Variants in CPEB2 observed in about 807,000 individuals in gnomAD.
CPEB2 encodes cytoplasmic polyadenylation element binding protein 2, also known as cytoplasmic polyadenylation element-binding protein 2.
In CPEB2, 56 loss-of-function variants were observed where a neutral mutation model predicts 93.6. The ratio of observed to expected loss-of-function variants is 0.60; its 90% CI spans 0.48 to 0.75. CPEB2 has a LOEUF of 0.75. CPEB2 is among the 30% of genes least tolerant of loss of function. CPEB2 has a pLI of 0.00. For synonymous variants in CPEB2, 764 were observed against 586.3 expected (o/e 1.30, Z -4.38); for missense variants, 1,579 against 1,395.1 (o/e 1.13, Z -2.10).
intron 3 of CPEB2, among the ~76,000 whole-genome samples, chr4:15,015,536 C>T (rs771214172): frequency 2.6e-5 from 4 of 152,050 alleles, no homozygotes; most frequent in Non-Finnish European, 4.4e-5. Flanking sequence ...AAAAAGGCTA[C>T]AACCCTAATT....
chr4:15,054,223 G>T lies in CPEB2; in HGVS notation c.2461+6G>T. On this transcript the variant is annotated splice_donor_region_variant and intron_variant, in intron 8 of 11. Coordinates refer to ENST00000538197, the MANE Select transcript of CPEB2 (RefSeq NM_001177382.2). ...GTCCTATTTTCCACCAAAAGGTAAG[G>T]ATTGTTATTGTTAATATTTGCTAGG... 1 of 1,594,592 alleles carries T rather than the reference G, an allele frequency of 6.3e-7. No homozygotes were observed. The highest frequency in any genetic ancestry group is 1.1e-5 in the South Asian group (1 of 88,876).
chr4:15,003,906 G>A lies in CPEB2; in HGVS notation c.1233G>A (p.Gln411=). 1 of 955,814 alleles carries A rather than the reference G, an allele frequency of 1.0e-6. No homozygotes were observed. Among genetic ancestry groups the A allele is most frequent in the Non-Finnish European group, 1.4e-6 (1 of 736,698 alleles). The allele number at this position is 955,814 out of a possible 1,614,324, so 59.2% of individuals were successfully genotyped here. ...QPQQQPPPPQ[Q]PPQPQPQPPG... ...AGCAGCAGCCGCCGCCACCCCAGCA[G>A]CCGCCCCAGCCGCAGCCGCAGCCGC... is the stretch of plus-strand genomic sequence containing the variant. Residue 411 remains glutamine, a synonymous_variant, in exon 1 of 12, where the codon CAG becomes CAA. Coordinates refer to ENST00000538197, the MANE Select transcript of CPEB2 (RefSeq NM_001177382.2).
At chr4:15,009,765 C>T (rs867505206) in intron 3 of CPEB2, among the ~76,000 whole-genome samples, 2 of 152,138 alleles carry the variant, frequency 1.3e-5, no homozygotes, top group African/African-American at 2.4e-5. Flanking sequence ...AGCTGGCATA[C>T]ATGGTCCATG....
intron 6 of CPEB2, among the ~76,000 whole-genome samples, chr4:15,046,353 G>C (rs1318043641): frequency 2.6e-5 from 4 of 152,152 alleles, no homozygotes; most frequent in African/African-American, 4.8e-5. Context: ...AGCCTTCTGA[G>C]TAGTTGGGAT....
At chr4:15,046,282 A>G (rs1055732893) in intron 6 of CPEB2, among the ~76,000 whole-genome samples, 4 of 152,122 alleles carry the variant, frequency 2.6e-5, no homozygotes, top group Admixed American at 1.3e-4. Context: ...CTGGAGTGCA[A>G]TGGCCCGATC....
Position 15,066,293 on chromosome 4 carries a change from C to T in CPEB2, c.3018C>T (p.Ile1006=), listed in dbSNP as rs1264894523. Residue 1006 remains isoleucine (I), a synonymous_variant, in exon 12 of 12, where the codon ATC becomes ATT. Coordinates refer to ENST00000538197, the MANE Select transcript of CPEB2 (RefSeq NM_001177382.2). ...ACTGTGAGTTTTGTTGGGCAAATATCCACTCTCGTGCTGGACGTGAGTTCC... is the reference window on the plus strand; with the variant it reads ...ACTGTGAGTTTTGTTGGGCAAATATTCACTCTCGTGCTGGACGTGAGTTCC... The part of the protein sequence containing the change: ...QYYCEFCWAN[I]HSRAGREFHK... 4 of 1,613,372 alleles carry T rather than the reference C, an allele frequency of 2.5e-6. No individual in the cohort carries two copies. Among genetic ancestry groups the T allele is most frequent in the Non-Finnish European group, 3.4e-6 (4 of 1,179,694 alleles).
At chr4:15,019,322 T>C (rs1724560718) in intron 4 of CPEB2, among the ~76,000 whole-genome samples, 1 of 151,906 alleles carries the variant, frequency 6.6e-6, no homozygotes, top group Non-Finnish European at 1.5e-5. Flanking sequence ...CTTTTTTTTT[T>C]CCTTTCTTTT....
intron 1 of CPEB2, chr4:15,006,337 A>C (rs1722811181): frequency 6.6e-6 from 1 of 152,100 alleles, no homozygotes; most frequent in African/African-American, 2.4e-5. Flanking sequence ...TGTATGGTTC[A>C]TACTTCTTTA....
chr4:15,012,006 G>C (rs1723556151), intron 3 of CPEB2, among the ~76,000 whole-genome samples: 1 of 152,130 alleles, frequency 6.6e-6, no homozygotes, highest in South Asian at 2.1e-4. Context: ...ATAATTTGGA[G>C]ATCTGTCTCA....
At chr4:15,011,898 T>C (rs1434499171) in intron 3 of CPEB2, among the ~76,000 whole-genome samples, 2 of 152,202 alleles carry the variant, frequency 1.3e-5, no homozygotes, top group Non-Finnish European at 2.9e-5. Flanking sequence ...CAAGCTCTAC[T>C]TGCAGTGCTT....
chr4:15,029,256 G>A (rs1001674895), intron 4 of CPEB2, among the ~76,000 whole-genome samples: 4 of 151,842 alleles, frequency 2.6e-5, no homozygotes, highest in Admixed American at 6.6e-5. Context: ...TTTTTGATCA[G>A]GAATTATATT....
chr4:15,003,538 G>T lies in CPEB2; in HGVS notation c.865G>T (p.Gly289Cys). ...CAGCCCTCGCAAGACCCCAGCCGCGGGCGAGGGCAGCGCCGCCGAGTCCCC... is the reference window on the plus strand; with the variant it reads ...CAGCCCTCGCAAGACCCCAGCCGCGTGCGAGGGCAGCGCCGCCGAGTCCCC... ...AGSPRKTPAA[G>C]EGSAAESPNA... Residue 289 changes from glycine (G) to cysteine (C), a missense_variant, in exon 1 of 12, where the codon GGC becomes TGC. Coordinates refer to ENST00000538197, the MANE Select transcript of CPEB2 (RefSeq NM_001177382.2). The T allele has an allele frequency of 1.4e-6, 2 of 1,450,444 alleles. No individual in the cohort carries two copies. The highest frequency in any genetic ancestry group is 1.8e-6 in the Non-Finnish European group (2 of 1,103,660). The allele number at this position is 1,450,444 out of a possible 1,614,324, so 89.8% of individuals were successfully genotyped here. A position where few individuals can be genotyped will look rare whatever the true frequency, so the allele number is the denominator to read the frequency against.
Position 15,068,535 on chromosome 4 carries a change from C to T in CPEB2, c.*2155C>T, listed in dbSNP as rs1729870253. Reference sequence around the variant, plus strand: ...CACTTTTTTTGACTGATGACATCTCCTTTGCTATACCTCAATTTTTGGAAT... The same window carrying T: ...CACTTTTTTTGACTGATGACATCTCTTTTGCTATACCTCAATTTTTGGAAT... On this transcript the variant is annotated 3_prime_UTR_variant, in exon 12 of 12. Coordinates refer to ENST00000538197, the MANE Select transcript of CPEB2 (RefSeq NM_001177382.2). The T allele has an allele frequency of 6.6e-6, 1 of 152,166 alleles. No individual in the cohort carries two copies. Among genetic ancestry groups the T allele is most frequent in the South Asian group, 2.1e-4 (1 of 4,832 alleles). 9.4% of individuals were successfully genotyped at this position (152,166 alleles called of 1,614,324 possible).
chr4:15,059,331 A>C (rs2109099030), intron 10 of CPEB2, 30 bp downstream of exon 10: 6 of 1,399,376 alleles, frequency 4.3e-6, no homozygotes, highest in Non-Finnish European at 2.0e-6. Flanking sequence ...TTTTGTTTAA[A>C]AAAATCATTT....
chr4:15,037,463 C>G (rs1397285899), intron 5 of CPEB2, among the ~76,000 whole-genome samples: 1 of 152,226 alleles, frequency 6.6e-6, no homozygotes, highest in African/African-American at 2.4e-5. Flanking sequence ...ATCCCTTCCT[C>G]TAGTTGCAGT....
At chr4:15,007,646 G>T in intron 2 of CPEB2, 60 bp downstream of exon 2, 1 of 1,142,564 alleles carries the variant, frequency 8.8e-7, no homozygotes, top group Non-Finnish European at 1.2e-6. Context: ...TAGGGAGTTG[G>T]GTGGTGGTGG....
At chr4:15,034,186 A>G (rs1726385897) in intron 5 of CPEB2, among the ~76,000 whole-genome samples, 1 of 152,134 alleles carries the variant, frequency 6.6e-6, no homozygotes, top group Non-Finnish European at 1.5e-5. Flanking sequence ...TCAGTATTTC[A>G]CTGTTTAGTT....
intron 1 of CPEB2, 80 bp from the exon 2 acceptor site, chr4:15,007,225 T>G (rs2108952740): frequency 1.6e-6 from 2 of 1,214,722 alleles, no homozygotes; most frequent in Middle Eastern, 2.0e-4. Context: ...TCATATAAAT[T>G]CTTAGGTCTG....
intron 3 of CPEB2, 33 bp downstream of exon 3, chr4:15,008,460 C>A: frequency 2.8e-6 from 4 of 1,441,168 alleles, no homozygotes; most frequent in Non-Finnish European, 3.9e-6. Context: ...TTTAGGATTT[C>A]GGTTAGGAGT....
Sources: gnomAD v4.1 joint callset for allele counts (sites outside exome capture counted in the v4.1 genomes callset) on GRCh38, gnomAD v4.1.1 for gene constraint, MANE v1.5 for transcripts, NCBI Gene and HGNC (gene_info 2026-07-23, HGNC 2026-07-21) for gene names.